The following TSPAN3 variants were observed in gnomAD, a reference collection of about 807,000 sequenced individuals.
TSPAN3 encodes tetraspanin 3.
A neutral mutation model predicts 31.1 loss-of-function variants in TSPAN3; 9 were observed. The observed-to-expected ratio is 0.29, with a 90% CI of 0.17 to 0.50. The LOEUF (loss-of-function observed/expected upper bound fraction) is 0.50, where lower values mean the gene tolerates loss of function less well. Ranked by LOEUF, TSPAN3 falls within the 20% of genes least tolerant of loss-of-function variation. The pLI is 0.98. For missense variants in TSPAN3, 252 were observed against 313.5 expected, an observed-to-expected ratio of 0.80 and a Z score of 1.48; for synonymous variants, 129 against 114.3, an observed-to-expected ratio of 1.13 and a Z score of -0.82.
intron 1 of TSPAN3, among the ~76,000 whole-genome samples, chr15:77,062,253 T>C (rs970918452): frequency 1.3e-5 from 2 of 152,240 alleles, no homozygotes; most frequent in African/African-American, 4.8e-5. Context: ...TGTCTTAAAA[T>C]CATCTTAAAT....
chr15:77,053,451 CAAAAAAAAAAAAAAAAAAAAAAAAAA>C (rs60483848), intron 4 of TSPAN3, among the ~76,000 whole-genome samples: 56 of 50,378 alleles, frequency 1.1e-3, no homozygotes, highest in Middle Eastern at 9.4e-3. Context: ...TTCGCCATCT[CAAAAAAAAAAAAAAAAAAAAAAAAAA>C]AAAAAAAAAA....
chr15:77,055,968 G>A (rs2076766080), intron 2 of TSPAN3, 96 bp downstream of exon 2: 15 of 1,515,584 alleles, frequency 9.9e-6, no homozygotes, highest in South Asian at 1.3e-5. Flanking sequence ...AAGTTTAAAT[G>A]TTAACTCTGT....
intron 1 of TSPAN3, among the ~76,000 whole-genome samples, chr15:77,061,516 A>C (rs1421975561): frequency 6.6e-6 from 1 of 152,168 alleles, no homozygotes; most frequent in Non-Finnish European, 1.5e-5. Context: ...CAACAAGAGC[A>C]AAACTCAGTC....
chr15:77,061,723 A>G (rs2076801935), intron 1 of TSPAN3, among the ~76,000 whole-genome samples: 1 of 152,218 alleles, frequency 6.6e-6, no homozygotes, highest in African/African-American at 2.4e-5. Context: ...AAAGCATCCC[A>G]CAGGACATTT....
At chr15:77,059,334 G>A (rs1466239711) in intron 1 of TSPAN3, among the ~76,000 whole-genome samples, 2 of 152,044 alleles carry the variant, frequency 1.3e-5, no homozygotes, top group Admixed American at 6.5e-5. Flanking sequence ...CGCCCGCCTC[G>A]GCCTCCCAAA....
At chr15:77,052,217 G>A (rs1024971032) in intron 6 of TSPAN3, among the ~76,000 whole-genome samples, 168 bp downstream of exon 6, 9 of 152,322 alleles carry the variant, frequency 5.9e-5, no homozygotes, top group African/African-American at 2.2e-4. Context: ...CCGGGTCTAG[G>A]TGTATAGACA....
chr15:77,067,746 T>G (rs1381927976), intron 1 of TSPAN3: 1 of 152,250 alleles, frequency 6.6e-6, no homozygotes, highest in African/African-American at 2.4e-5. Context: ...TTCCTCATAA[T>G]GACTTAATTC....
In TSPAN3 at chr15:77,071,019, T is replaced by C. The variant is rs2076866362; in HGVS notation, c.-65A>G. 1.6e-6 allele frequency: 2 copies of C among 1,217,456 alleles called. No homozygotes were observed. Among genetic ancestry groups the C allele is most frequent in the Non-Finnish European group, 1.1e-6 (1 of 939,624 alleles). The allele number at this position is 1,217,456 out of a possible 1,614,324, so 75.4% of individuals were successfully genotyped here. ...GCTGCGCTCACCGAGAGAGCGGCAATGGCGGCGGCGCCTCCTCGCTAGGAA... is the reference window on the plus strand; with the variant it reads ...GCTGCGCTCACCGAGAGAGCGGCAACGGCGGCGGCGCCTCCTCGCTAGGAA... On this transcript the variant is annotated 5_prime_UTR_variant, in exon 1 of 7. Transcript: ENST00000267970.
intron 6 of TSPAN3, among the ~76,000 whole-genome samples, chr15:77,050,183 T>C (rs1364897439): frequency 6.6e-6 from 1 of 152,216 alleles, no homozygotes; most frequent in East Asian, 1.9e-4. Flanking sequence ...CACCAATCTA[T>C]CAGATTTTGA....
intron 4 of TSPAN3, among the ~76,000 whole-genome samples, 186 bp from the exon 5 acceptor site, chr15:77,053,115 T>C (rs2076742582): frequency 6.6e-6 from 1 of 152,108 alleles, no homozygotes; most frequent in African/African-American, 2.4e-5. Flanking sequence ...GCACTTAAAT[T>C]GTGGCTAGTG....
intron 6 of TSPAN3, 109 bp from the exon 7 acceptor site, chr15:77,047,036 C>A (rs1477573741): frequency 2.6e-6 from 2 of 781,122 alleles, no homozygotes; most frequent in Admixed American, 2.6e-5. Flanking sequence ...GACTTCAAAT[C>A]ATCAAAAAGG....
chr15:77,058,808 T>A (rs903675046), intron 1 of TSPAN3, among the ~76,000 whole-genome samples: 1 of 152,256 alleles, frequency 6.6e-6, no homozygotes, highest in Non-Finnish European at 1.5e-5. Context: ...TGGTTTCTCT[T>A]CAGTTCAATG....
chr15:77,041,807 T>C lies in TSPAN3; in HGVS notation c.*5028A>G, dbSNP rs1197451752. 1.3e-5 allele frequency: 2 copies of C among 152,246 alleles called. No homozygotes were observed. The highest frequency in any genetic ancestry group is 2.9e-5 in the Non-Finnish European group (2 of 68,048). The allele number at this position is 152,246 out of a possible 1,614,324, so 9.4% of individuals were successfully genotyped here. On this transcript the variant is annotated 3_prime_UTR_variant, in exon 7 of 7. Transcript: ENST00000267970. ...AAACTAGATACAGGCAGTGGTTCTA[T>C]AGCATGGTGAATGTACTCAAGGCAA... is the stretch of plus-strand genomic sequence containing the variant.
At chr15:77,059,303 C>G (rs1190782139) in intron 1 of TSPAN3, among the ~76,000 whole-genome samples, 2 of 152,104 alleles carry the variant, frequency 1.3e-5, no homozygotes, top group Non-Finnish European at 2.9e-5. Context: ...AGGATGGTCT[C>G]GATGTCCTGA....
intron 1 of TSPAN3, among the ~76,000 whole-genome samples, chr15:77,056,503 T>C (rs1369390297): frequency 6.6e-6 from 1 of 151,872 alleles, no homozygotes; most frequent in Non-Finnish European, 1.5e-5. Context: ...AACCAAATAA[T>C]AACAATGATG....
chr15:77,050,430 G>C (rs2076723032), intron 6 of TSPAN3, among the ~76,000 whole-genome samples: 1 of 152,042 alleles, frequency 6.6e-6, no homozygotes, highest in African/African-American at 2.4e-5. Context: ...ACATATGGCA[G>C]TCATATTTAA....
chr15:77,060,360 T>C (rs1467874629), intron 1 of TSPAN3, among the ~76,000 whole-genome samples: 1 of 152,208 alleles, frequency 6.6e-6, no homozygotes, highest in Non-Finnish European at 1.5e-5. Flanking sequence ...TAAACAATTA[T>C]GAAATGACAC....
At position 77,071,060 on chromosome 15, in the gene TSPAN3, G is replaced by A. The variant is rs1219614410; in HGVS notation, c.-106C>T. 1.2e-5 allele frequency: 9 copies of A among 770,032 alleles called. No homozygotes were observed. Among genetic ancestry groups the A allele is most frequent in the Non-Finnish European group, 1.6e-5 (9 of 566,640 alleles). The allele number at this position is 770,032 out of a possible 1,614,324, so 47.7% of individuals were successfully genotyped here. ...TCGCTAGGAACTGCACGGCCTGCGC[G>A]GCGCTCCCCGCAGCCCCTGCGCCGT... On this transcript the variant is annotated 5_prime_UTR_variant, in exon 1 of 7. Coordinates refer to ENST00000267970, the MANE Select transcript of TSPAN3 (RefSeq NM_005724.6).
chr15:77,051,528 TAA>T (rs575430311), intron 6 of TSPAN3, among the ~76,000 whole-genome samples: 35 of 128,174 alleles, frequency 2.7e-4, no homozygotes, highest in Admixed American at 7.9e-4. Context: ...AACTCTGTCG[TAA>T]AAAAAAAAAA....
Sources: allele counts gnomAD v4.1 joint callset (sites outside exome capture counted in the v4.1 genomes callset), GRCh38; gene constraint gnomAD v4.1.1; transcripts MANE v1.5; gene names NCBI Gene and HGNC (gene_info 2026-07-23, HGNC 2026-07-21).